PTPRD: variants seen among roughly 807,000 people sequenced by gnomAD.
The protein encoded by PTPRD is protein tyrosine phosphatase receptor type D, also known as receptor-type tyrosine-protein phosphatase delta.
A neutral mutation model predicts 214.5 loss-of-function variants in PTPRD; 34 were observed. The ratio of observed to expected loss-of-function variants is 0.16; its 90% CI spans 0.12 to 0.21. The LOEUF (loss-of-function observed/expected upper bound fraction) is 0.21, where lower values mean the gene tolerates loss of function less well. Among genes scored for constraint, PTPRD ranks in the 10% least tolerant of loss-of-function variants. The pLI, the probability that PTPRD is intolerant of heterozygous loss-of-function variation, is 1.00. For synonymous variants in PTPRD, 1,128 were observed against 845.7 expected (o/e 1.33, Z -5.79); for missense variants, 2,545 against 2,398.7 (o/e 1.06, Z -1.27).
chr9:9,380,706 T>G (rs980529281), intron 9 of PTPRD, among the ~76,000 whole-genome samples: 4 of 152,162 alleles, frequency 2.6e-5, no homozygotes, highest in African/African-American at 9.6e-5. Flanking sequence ...AATTGATGGA[T>G]AGCGTTGTCA....
intron 14 of PTPRD, among the ~76,000 whole-genome samples, chr9:8,541,793 C>T (rs922935808): frequency 3.3e-5 from 5 of 152,060 alleles, no homozygotes; most frequent in Non-Finnish European, 7.4e-5. Flanking sequence ...TATTTCTTTT[C>T]GAAATGTTTG....
chr9:10,036,825 G>T (rs1421028225), intron 3 of PTPRD, among the ~76,000 whole-genome samples: 1 of 151,768 alleles, frequency 6.6e-6, no homozygotes, highest in African/African-American at 2.4e-5. Context: ...CTTGTGATCT[G>T]CCCGCCTCGG....
At chr9:8,985,555 G>T (rs557304015) in intron 11 of PTPRD, among the ~76,000 whole-genome samples, 1 of 151,752 alleles carries the variant, frequency 6.6e-6, no homozygotes, top group South Asian at 2.1e-4. Context: ...CAGTATGGTT[G>T]AGCAATTTGC....
In PTPRD at chr9:8,316,983, A is replaced by G. The variant is rs1470906550; in HGVS notation, c.*891T>C. ...TTATAAAATATGGATATATATGTAT[A>G]TATGTTAGCAGCAACTTTATACTTT... On this transcript the variant is annotated 3_prime_UTR_variant, in exon 46 of 46. Transcript: ENST00000381196. 4.3e-6 allele frequency: 1 copy of G among 231,526 alleles called. No individual in the cohort carries two copies. The highest frequency in any genetic ancestry group is 8.6e-6 in the Non-Finnish European group (1 of 116,804). 14.3% of individuals were successfully genotyped at this position (231,526 alleles called of 1,614,324 possible).
intron 14 of PTPRD, among the ~76,000 whole-genome samples, chr9:8,554,114 G>A (rs1275976392): frequency 6.6e-6 from 1 of 152,162 alleles, no homozygotes; most frequent in African/African-American, 2.4e-5. Flanking sequence ...CTTGAACCCA[G>A]GAGGCGAAGG....
chr9:10,325,646 T>A lies in PTPRD; in HGVS notation c.-545+15317A>T, dbSNP rs188129116. ...GAGAAGTCATGAGGCATTAAAAATG[T>A]TTAATTGTTTGAACATACCAAACAA... On this transcript the variant is annotated intron_variant, in intron 3 of 45. Coordinates refer to ENST00000381196, the MANE Select transcript of PTPRD (RefSeq NM_002839.4). 3.1e-3 allele frequency among the ~76,000 whole-genome samples: 469 copies of A among 152,064 alleles called. 4 individuals are homozygous for A. The highest frequency in any genetic ancestry group is 0.011 in the African/African-American group (450 of 41,542).
At chr9:9,965,731 C>T (rs1348261984) in intron 4 of PTPRD, among the ~76,000 whole-genome samples, 3 of 152,118 alleles carry the variant, frequency 2.0e-5, no homozygotes, top group African/African-American at 7.2e-5. Flanking sequence ...GTGTTGTAAG[C>T]CCCTCCACTC....
At chr9:9,792,135 A>G (rs1188128239) in intron 5 of PTPRD, among the ~76,000 whole-genome samples, 1 of 151,526 alleles carries the variant, frequency 6.6e-6, no homozygotes, top group Non-Finnish European at 1.5e-5. Context: ...AAAAAATCAC[A>G]TTACTCTTTA....
chr9:9,796,600 G>A (rs1444840895), intron 5 of PTPRD, among the ~76,000 whole-genome samples: 1 of 152,132 alleles, frequency 6.6e-6, no homozygotes, highest in East Asian at 1.9e-4. Flanking sequence ...TGATAAATGT[G>A]TGGAGTAAAA....
chr9:9,178,574 A>T (rs1190904868), intron 10 of PTPRD, among the ~76,000 whole-genome samples: 1 of 152,058 alleles, frequency 6.6e-6, no homozygotes. Flanking sequence ...TTCTCTGACC[A>T]TGTAAGTGTA....
chr9:10,100,863 G>A (rs920012554), intron 3 of PTPRD, among the ~76,000 whole-genome samples: 2 of 151,466 alleles, frequency 1.3e-5, no homozygotes, highest in South Asian at 4.1e-4. Flanking sequence ...ACTTGTCAAT[G>A]AATCAAATAA....
At chr9:8,476,931 T>C (rs55663135) in intron 30 of PTPRD, among the ~76,000 whole-genome samples, 30,283 of 152,040 alleles carry the variant, frequency 0.2, 3,209 homozygotes, top group East Asian at 0.26. Flanking sequence ...AAATAGAGTT[T>C]CTAGAAAATA....
chr9:8,617,234 G>C (rs937601762), intron 14 of PTPRD, among the ~76,000 whole-genome samples: 4 of 152,116 alleles, frequency 2.6e-5, no homozygotes, highest in African/African-American at 9.7e-5. Flanking sequence ...AAAGAAGGAA[G>C]AGAGAGAAGA....
intron 3 of PTPRD, among the ~76,000 whole-genome samples, chr9:10,258,731 G>T (rs1433164948): frequency 6.6e-6 from 1 of 151,378 alleles, no homozygotes; most frequent in Non-Finnish European, 1.5e-5. Context: ...TTTCAGTCAG[G>T]TATCGTTTTG....
chr9:10,326,411 T>C (rs2096644185), intron 3 of PTPRD, among the ~76,000 whole-genome samples: 1 of 151,752 alleles, frequency 6.6e-6, no homozygotes, highest in Non-Finnish European at 1.5e-5. Flanking sequence ...TTAAAGTACC[T>C]TATAGTACAG....
intron 12 of PTPRD, among the ~76,000 whole-genome samples, chr9:8,730,534 T>C (rs187143620): frequency 1.1e-4 from 17 of 152,358 alleles, no homozygotes; most frequent in Admixed American, 7.8e-4. Context: ...TGTAACAGTA[T>C]GCTACAAGTG....
chr9:9,919,258 C>A (rs1258187385), intron 5 of PTPRD, among the ~76,000 whole-genome samples: 1 of 151,940 alleles, frequency 6.6e-6, no homozygotes, highest in South Asian at 2.1e-4. Flanking sequence ...GTTTCAGGAC[C>A]CTATTACCTT....
At chr9:9,934,849 C>A (rs928013989) in intron 5 of PTPRD, among the ~76,000 whole-genome samples, 3 of 152,096 alleles carry the variant, frequency 2.0e-5, no homozygotes, top group African/African-American at 4.8e-5. Context: ...CAAAACGAAT[C>A]CAGCAGCACA....
intron 8 of PTPRD, among the ~76,000 whole-genome samples, chr9:9,557,484 C>CTT (rs564562170): frequency 9.8e-4 from 149 of 152,148 alleles, no homozygotes; most frequent in African/African-American, 3.5e-3. Context: ...AGCTCTCTCT[C>CTT]GGGAGAAAAA....
Sources: gnomAD v4.1 joint callset for allele counts (sites outside exome capture counted in the v4.1 genomes callset) on GRCh38, gnomAD v4.1.1 for gene constraint, MANE v1.5 for transcripts, NCBI Gene and HGNC (gene_info 2026-07-23, HGNC 2026-07-21) for gene names.